The following MAN1A2 variants were observed in gnomAD, a reference collection of about 807,000 sequenced individuals.
MAN1A2 encodes the protein mannosidase alpha class 1A member 2, also known as mannosyl-oligosaccharide 1,2-alpha-mannosidase IB.
A neutral mutation model predicts 75.7 loss-of-function variants in MAN1A2; 26 were observed. That is an observed-to-expected ratio of 0.34 (90% confidence interval 0.25 to 0.48). MAN1A2 has a LOEUF of 0.48. Ranked by LOEUF, MAN1A2 falls within the 20% of genes least tolerant of loss-of-function variation. The probability of loss-of-function intolerance (pLI) is 0.99; values close to 1 mark genes in which losing one functional copy is unlikely to be tolerated. For missense variants in MAN1A2, 562 were observed against 775.5 expected, an observed-to-expected ratio of 0.72 and a Z score of 3.27; for synonymous variants, 247 against 264.6, an observed-to-expected ratio of 0.93 and a Z score of 0.65.
intron 5 of MAN1A2, among the ~76,000 whole-genome samples, chr1:117,429,769 C>T (rs1648537660): frequency 8.8e-6 from 1 of 114,066 alleles, no homozygotes; most frequent in Non-Finnish European, 1.9e-5. Flanking sequence ...CTGACCCCCC[C>T]ACCTCCCTCC....
intron 3 of MAN1A2, among the ~76,000 whole-genome samples, chr1:117,407,602 A>G (rs1037344980): frequency 1.3e-5 from 2 of 152,164 alleles, no homozygotes; most frequent in African/African-American, 4.8e-5. Flanking sequence ...ATTCTTTTAT[A>G]TGGTAACTGA....
chr1:117,472,798 T>C (rs1468063877), intron 8 of MAN1A2, among the ~76,000 whole-genome samples: 2 of 152,040 alleles, frequency 1.3e-5, no homozygotes, highest in Non-Finnish European at 2.9e-5. Flanking sequence ...TGATAAACTT[T>C]CTTAAAACAT....
At chr1:117,389,450 G>C (rs1570703276) in intron 1 of MAN1A2, among the ~76,000 whole-genome samples, 2 of 152,156 alleles carry the variant, frequency 1.3e-5, no homozygotes, top group Non-Finnish European at 2.9e-5. Flanking sequence ...TGCCATCGCT[G>C]ATCTGACAGT....
chr1:117,386,282 G>C (rs761240495), intron 1 of MAN1A2, among the ~76,000 whole-genome samples: 1 of 152,122 alleles, frequency 6.6e-6, no homozygotes, highest in Non-Finnish European at 1.5e-5. Flanking sequence ...AGACTTTCTA[G>C]ACTCTATCCT....
At chr1:117,368,606 A>G (rs769350872) in intron 1 of MAN1A2, 121 bp downstream of exon 1, 2 of 885,672 alleles carry the variant, frequency 2.3e-6, no homozygotes, top group Non-Finnish European at 1.7e-6. Flanking sequence ...TAAATATTGT[A>G]TTGTTACTTC....
At chr1:117,422,900 ATGT>A (rs1196629014) in intron 5 of MAN1A2, among the ~76,000 whole-genome samples, 1 of 151,936 alleles carries the variant, frequency 6.6e-6, no homozygotes, top group East Asian at 1.9e-4. Context: ...TGAAGAATTG[ATGT>A]TGTTAATCTG....
intron 8 of MAN1A2, among the ~76,000 whole-genome samples, chr1:117,491,797 G>A (rs1445320978): frequency 5.9e-5 from 9 of 152,012 alleles, no homozygotes. Flanking sequence ...ACAGGAGTTT[G>A]GAAGAATTTG....
chr1:117,431,194 A>C (rs865857668), intron 5 of MAN1A2, among the ~76,000 whole-genome samples: 2 of 14,842 alleles, frequency 1.3e-4, no homozygotes, highest in Non-Finnish European at 1.3e-4. Flanking sequence ...CCGTGGGGAG[A>C]GGGAGGGGGA....
intron 5 of MAN1A2, among the ~76,000 whole-genome samples, chr1:117,434,670 T>C (rs933875981): frequency 6.6e-6 from 1 of 152,070 alleles, no homozygotes; most frequent in African/African-American, 2.4e-5. Flanking sequence ...AACCTAAATT[T>C]GTATATTTTA....
rs565977697 is a variant in MAN1A2 at position 117,508,973 on chromosome 1, A to G, written c.1793+6003A>G. Among the ~76,000 whole-genome samples the G allele has an allele frequency of 7.2e-5, 11 of 151,890 alleles. No homozygotes were observed. In the East Asian group the frequency reaches 1.7e-3, roughly 24 times the overall value. On this transcript the variant is annotated intron_variant, in intron 12 of 12. Coordinates refer to ENST00000356554, the MANE Select transcript of MAN1A2 (RefSeq NM_006699.5). ...TGCTAAGTACCAAAACTAAGTTTCTATAGAGCAAAGCTTTAAATATTAAAA... is the reference window on the plus strand; with the variant it reads ...TGCTAAGTACCAAAACTAAGTTTCTGTAGAGCAAAGCTTTAAATATTAAAA...
At chr1:117,489,984 A>G (rs1650830082) in intron 8 of MAN1A2, among the ~76,000 whole-genome samples, 1 of 151,454 alleles carries the variant, frequency 6.6e-6, no homozygotes, top group South Asian at 2.1e-4. Flanking sequence ...TTTGAAGCAG[A>G]GTTCAAGGAT....
chr1:117,445,890 A>ATG (rs1649217625), intron 6 of MAN1A2, among the ~76,000 whole-genome samples: 2 of 142,646 alleles, frequency 1.4e-5, no homozygotes, highest in Non-Finnish European at 3.1e-5. Flanking sequence ...GTGTGTATAT[A>ATG]TATATATATG....
At chr1:117,465,196 A>G (rs1224512586) in intron 7 of MAN1A2, among the ~76,000 whole-genome samples, 1 of 152,216 alleles carries the variant, frequency 6.6e-6, no homozygotes, top group Non-Finnish European at 1.5e-5. Flanking sequence ...AGGAGCTTAG[A>G]AGACAAAATT....
chr1:117,509,093 T>C (rs576681941), intron 12 of MAN1A2, among the ~76,000 whole-genome samples: 2 of 150,722 alleles, frequency 1.3e-5, no homozygotes, highest in East Asian at 2.0e-4. Flanking sequence ...GAAGAAAAGA[T>C]TGAGAATTCA....
intron 4 of MAN1A2, among the ~76,000 whole-genome samples, chr1:117,416,950 G>A (rs1289949): frequency 0.16 from 24,199 of 152,174 alleles, 2,309 homozygotes; most frequent in African/African-American, 0.24. Flanking sequence ...ACAGTACTCT[G>A]GAAGCAGTTG....
chr1:117,381,447 G>T (rs1653331544), intron 1 of MAN1A2, among the ~76,000 whole-genome samples: 1 of 151,766 alleles, frequency 6.6e-6, no homozygotes, highest in Admixed American at 6.6e-5. Flanking sequence ...TTGGTTTTTT[G>T]TCTTTGCGAT....
chr1:117,432,905 TATAAAAG>T (rs1269003772), intron 5 of MAN1A2, among the ~76,000 whole-genome samples: 1 of 148,382 alleles, frequency 6.7e-6, no homozygotes, highest in Non-Finnish European at 1.5e-5. Flanking sequence ...TATATAAGAA[TATAAAAG>T]ATAAAAGATA....
intron 5 of MAN1A2, among the ~76,000 whole-genome samples, chr1:117,428,740 TAC>T (rs1648467271): frequency 6.6e-6 from 1 of 150,780 alleles, no homozygotes; most frequent in Non-Finnish European, 1.5e-5. Flanking sequence ...TATCAGAGTA[TAC>T]TTCAAGATGA....
chr1:117,491,138 T>C (rs937647724), intron 8 of MAN1A2, among the ~76,000 whole-genome samples: 5 of 152,004 alleles, frequency 3.3e-5, no homozygotes, highest in African/African-American at 1.2e-4. Flanking sequence ...CTAAGTTAAT[T>C]GATGAAGGCA....
Sources: allele counts gnomAD v4.1 joint callset (sites outside exome capture counted in the v4.1 genomes callset), GRCh38; gene constraint gnomAD v4.1.1; transcripts MANE v1.5; gene names NCBI Gene and HGNC (gene_info 2026-07-23, HGNC 2026-07-21).